The following ZNF112 variants were observed in gnomAD, a reference collection of about 807,000 sequenced individuals.
ZNF112 encodes zinc finger protein 112 (Y14).
Under a neutral mutation model 77.7 loss-of-function variants are expected in ZNF112, and 37 were observed. The ratio of observed to expected loss-of-function variants is 0.48; its 90% CI spans 0.37 to 0.63. The LOEUF is 0.63. Ranked by LOEUF, ZNF112 falls within the 20% of genes least tolerant of loss-of-function variation. The probability of loss-of-function intolerance (pLI) is 0.00; values close to 1 mark genes in which losing one functional copy is unlikely to be tolerated. For missense variants in ZNF112, 950 were observed against 1,077.4 expected, an observed-to-expected ratio of 0.88 and a Z score of 1.66; for synonymous variants, 333 against 363.6, an observed-to-expected ratio of 0.92 and a Z score of 0.96.
intron 2 of ZNF112, among the ~76,000 whole-genome samples, chr19:44,337,840 T>G (rs2722732): frequency 2.1e-5 from 1 of 47,490 alleles, no homozygotes; most frequent in East Asian, 1.1e-3. Context: ...TACATACACA[T>G]ACACACACAC....
At chr19:44,352,385 T>C (rs186250158) in intron 1 of ZNF112, among the ~76,000 whole-genome samples, 2 of 152,162 alleles carry the variant, frequency 1.3e-5, no homozygotes, top group East Asian at 3.9e-4. Flanking sequence ...TGACAGAACT[T>C]TTGCAGACTA....
intron 1 of ZNF112, among the ~76,000 whole-genome samples, chr19:44,356,335 A>T (rs1173470226): frequency 1.3e-5 from 2 of 152,110 alleles, no homozygotes; most frequent in Admixed American, 6.5e-5. Context: ...CTGTTATTAT[A>T]CTGCTAGGAA....
In ZNF112 at chr19:44,329,321, G is replaced by A. The variant is rs61733040; in HGVS notation, c.836C>T (p.Pro279Leu). The A allele has an allele frequency of 6.5e-4, 1,044 of 1,613,688 alleles. 15 individuals carry two copies. The African/African-American group carries it at 0.012, about 19-fold the overall frequency. The change falls in exon 4 of 4, where the codon CCC (proline) becomes CTC (leucine). Residue 279 changes from proline (P) to leucine (L), a missense_variant. Coordinates refer to ENST00000354340, the MANE Select transcript of ZNF112 (RefSeq NM_013380.4). ...VHQQFHLEGK[P>L]YTYSSCGKGC... ...CTTTCCACATGAACTGTATGTATAG[G>A]GCTTCCCTTCCAAGTGGAACTGCTG...
Position 44,327,775 on chromosome 19 carries a change from C to A in ZNF112, c.2382G>T (p.Val794=). The change falls in exon 4 of 4, where the codon GTG becomes GTT. Residue 794 remains valine, a synonymous_variant. Coordinates refer to ENST00000354340, the MANE Select transcript of ZNF112 (RefSeq NM_013380.4). ...SRLQAHQRVH[V]EGRPYKCEQC... Reference sequence around the variant, plus strand: ...GTTCACATTTATAGGGTCTCCCTTCCACATGAACCCTTTGGTGTGCTTGAA... The same window carrying A: ...GTTCACATTTATAGGGTCTCCCTTCAACATGAACCCTTTGGTGTGCTTGAA... 6.2e-7 allele frequency: 1 copy of A among 1,613,856 alleles called. No homozygotes were observed. Among genetic ancestry groups the A allele is most frequent in the Non-Finnish European group, 8.5e-7 (1 of 1,179,966 alleles).
In ZNF112 at chr19:44,327,878, G is replaced by A; in HGVS notation, c.2279C>T (p.Ala760Val). The change falls in exon 4 of 4, where the codon GCA (alanine) becomes GTA (valine). Residue 760 changes from alanine (A) to valine (V), a missense_variant. By Grantham distance (64) the Ala-to-Val change is moderately conservative. This residue lies in a region of ZNF112 where 373 missense variants were observed against 482.8 expected (regional missense o/e 0.77). Transcript: ENST00000354340. ...CCCTCCTGTGTGAACCCTCCGATGT[G>A]CTTCAAGGCGCGAACTCTGACTAAA... ...KGFSQSSRLE[A>V]HRRVHTGGKP... 6.2e-7 allele frequency: 1 copy of A among 1,613,372 alleles called. No homozygotes were observed. Among genetic ancestry groups the A allele is most frequent in the Non-Finnish European group, 8.5e-7 (1 of 1,179,840 alleles).
chr19:44,333,815 C>T (rs996649250), intron 3 of ZNF112, among the ~76,000 whole-genome samples: 8 of 152,116 alleles, frequency 5.3e-5, no homozygotes, highest in South Asian at 2.1e-4. Context: ...TTCTTTACAG[C>T]AATGGGAGAA....
intron 1 of ZNF112, among the ~76,000 whole-genome samples, chr19:44,346,408 C>T (rs1970590952): frequency 6.6e-6 from 1 of 152,174 alleles, no homozygotes; most frequent in Non-Finnish European, 1.5e-5. Flanking sequence ...ATTGTTACTA[C>T]CATCTTCATT....
At chr19:44,333,340 C>T (rs914232206) in intron 3 of ZNF112, among the ~76,000 whole-genome samples, 4 of 152,154 alleles carry the variant, frequency 2.6e-5, no homozygotes, top group Non-Finnish European at 4.4e-5. Context: ...GATCACCTTC[C>T]GTTCTTACTT....
chr19:44,332,008 C>T (rs1437110303), intron 3 of ZNF112, among the ~76,000 whole-genome samples: 3 of 152,082 alleles, frequency 2.0e-5, no homozygotes, highest in Non-Finnish European at 4.4e-5. Flanking sequence ...TTTAAAGTAA[C>T]TTTTTAAATG....
intron 3 of ZNF112, among the ~76,000 whole-genome samples, chr19:44,336,130 T>C (rs913523376): frequency 6.6e-6 from 1 of 152,224 alleles, no homozygotes; most frequent in Non-Finnish European, 1.5e-5. Flanking sequence ...ATTCTTATCT[T>C]TTAGGATTAA....
chr19:44,364,077 T>G lies in ZNF112; in HGVS notation c.17+3004A>C, dbSNP rs144033945. On this transcript the variant is annotated intron_variant, in intron 1 of 4. Transcript: ENST00000588057. Reference sequence around the variant, plus strand: ...GGCACCTGCCACCATGCCTGGCTAATTTTTGTATTTTTAGTAGAGACAGGG... The same window carrying G: ...GGCACCTGCCACCATGCCTGGCTAAGTTTTGTATTTTTAGTAGAGACAGGG... Among the ~76,000 whole-genome samples, 467 of 152,212 alleles carry G rather than the reference T, an allele frequency of 3.1e-3. 2 individuals are homozygous for G. Among genetic ancestry groups the G allele is most frequent in the African/African-American group, 6.0e-3 (249 of 41,522 alleles).
intron 3 of ZNF112, among the ~76,000 whole-genome samples, chr19:44,334,243 T>C (rs968493330): frequency 6.6e-6 from 1 of 152,214 alleles, no homozygotes; most frequent in Non-Finnish European, 1.5e-5. Flanking sequence ...ATTTAGGTTA[T>C]CTGGTGGAAT....
In ZNF112 at chr19:44,328,523, T is replaced by G; in HGVS notation, c.1634A>C (p.Lys545Thr). 1 of 1,597,448 alleles carries G rather than the reference T, an allele frequency of 6.3e-7. No individual in the cohort carries two copies. The highest frequency in any genetic ancestry group is 1.1e-5 in the South Asian group (1 of 90,078). Residue 545 changes from lysine to threonine, a missense_variant, in exon 4 of 4, where the codon AAA becomes ACA. Lys to Thr is a moderately conservative substitution (Grantham distance 78). Transcript: ENST00000354340. ...ATCACATTCCTCGCATTTATAAGGT[T>G]TCTCTCCTGTGTGGACTCTCTGATG... ...NVHQRVHTGE[K>T]PYKCEECDKG... is the part of the protein sequence containing the mutation.
chr19:44,339,902 A>G (rs904267042), intron 2 of ZNF112, among the ~76,000 whole-genome samples: 3 of 152,128 alleles, frequency 2.0e-5, no homozygotes, highest in Admixed American at 6.5e-5. Context: ...TCAGAAAAAG[A>G]TATTATGACT....
chr19:44,328,832 C>T lies in ZNF112; in HGVS notation c.1325G>A (p.Cys442Tyr). The T allele has an allele frequency of 6.2e-7, 1 of 1,614,022 alleles. No individual in the cohort carries two copies. The highest frequency in any genetic ancestry group is 8.5e-7 in the Non-Finnish European group (1 of 1,179,950). ...TGAGGCCAGACTGAAGCCATTACCA[C>T]ACTCCTCAGAATTATATGAATTCTC... Reference protein sequence around the residue: ...MEENSYNSEECGNGFSLASHF... With the variant: ...MEENSYNSEEYGNGFSLASHF... Residue 442 changes from cysteine (C) to tyrosine (Y), a missense_variant, in exon 4 of 4, where the codon TGT becomes TAT. By Grantham distance (194) the Cys-to-Tyr change is radical (BLOSUM62 -2). Transcript: ENST00000354340.
intron 1 of ZNF112, among the ~76,000 whole-genome samples, chr19:44,362,840 T>A (rs923326951): frequency 1.3e-5 from 2 of 152,324 alleles, no homozygotes; most frequent in Admixed American, 1.3e-4. Flanking sequence ...GTCGATCTGT[T>A]TAATGTGTGC....
At chr19:44,333,044 A>C (rs546215024) in intron 3 of ZNF112, among the ~76,000 whole-genome samples, 3 of 152,368 alleles carry the variant, frequency 2.0e-5, no homozygotes, top group African/African-American at 4.8e-5. Context: ...AAGCATGACA[A>C]AAGATGCCGA....
At chr19:44,363,943 C>A in intron 1 of ZNF112, among the ~76,000 whole-genome samples, 1 of 152,110 alleles carries the variant, frequency 6.6e-6, no homozygotes, top group East Asian at 1.9e-4. Context: ...GAGTTTCACT[C>A]TTGTCATGCA....
At chr19:44,343,178 G>T in intron 1 of ZNF112, 2 of 1,531,436 alleles carry the variant, frequency 1.3e-6, no homozygotes, top group South Asian at 2.4e-5. Context: ...CCTTGGCAAA[G>T]AAGGGGGAAA....
Sources: allele counts gnomAD v4.1 joint callset (sites outside exome capture counted in the v4.1 genomes callset), GRCh38; gene constraint gnomAD v4.1.1; regional missense constraint gnomAD v4.1.1; transcripts MANE v1.5; gene names NCBI Gene and HGNC (gene_info 2026-07-23, HGNC 2026-07-21).